The following ANXA6 variants were observed in gnomAD, a reference collection of about 807,000 sequenced individuals.
The protein encoded by ANXA6 is annexin A6.
ANXA6 carries 71 observed loss-of-function variants against 95.4 expected under a neutral mutation model. That is an observed-to-expected ratio of 0.74 (90% CI 0.61 to 0.91). The LOEUF (loss-of-function observed/expected upper bound fraction) is 0.91, where lower values mean the gene tolerates loss of function less well. ANXA6 is among the 40% of genes least tolerant of loss of function. The pLI is 0.00. For missense variants in ANXA6, 830 were observed against 876.4 expected, an observed-to-expected ratio of 0.95 and a Z score of 0.67; for synonymous variants, 289 against 315.9, an observed-to-expected ratio of 0.91 and a Z score of 0.90.
At position 151,110,576 on chromosome 5, in the gene ANXA6, C is replaced by T. The variant is rs1039738955; in HGVS notation, c.1590+51G>A. On this transcript the variant is annotated intron_variant, in intron 21 of 25. Transcript: ENST00000354546. ...ACTGCCCCGCTCGGCCCAGTAAAGG[C>T]GGACTTTACTCAGAGGCCGTTAAAA... The T allele has an allele frequency of 7.5e-6, 12 of 1,602,698 alleles. No homozygotes were observed. In the Admixed American group the frequency reaches 1.2e-4, roughly 16 times the overall value.
intron 20 of ANXA6, among the ~76,000 whole-genome samples, chr5:151,113,208 C>G (rs1764898373): frequency 2.0e-5 from 3 of 152,150 alleles, no homozygotes; most frequent in Admixed American, 6.5e-5. Flanking sequence ...TGAGACCAGT[C>G]TGGCCAACAT....
intron 25 of ANXA6, 24 bp downstream of exon 25, chr5:151,103,546 C>T (rs902161182): frequency 3.1e-6 from 5 of 1,601,098 alleles, no homozygotes; most frequent in Non-Finnish European, 8.5e-7. Context: ...CCGCTTCCTG[C>T]TAACCTCTAG....
At chr5:151,152,200 C>T (rs1766123749) in intron 1 of ANXA6, among the ~76,000 whole-genome samples, 1 of 152,198 alleles carries the variant, frequency 6.6e-6, no homozygotes, top group Non-Finnish European at 1.5e-5. Context: ...ATTTCCACAT[C>T]CGCAAAATGC....
In ANXA6 at chr5:151,105,297, CTT is replaced by C; in HGVS notation, c.1785_1786del (p.Ser596CysfsTer23). On this transcript the variant is annotated frameshift_variant, in exon 24 of 26. Coordinates refer to ENST00000354546, the MANE Select transcript of ANXA6 (RefSeq NM_001155.5). LOFTEE classifies it high-confidence loss of function. ...AAAGAAGAGAGGCTTGTTCTTGACA[CTT>C]TGAACTGGTAGGAAGAGCAGAGAGA... 6.2e-7 allele frequency: 1 copy of C among 1,613,914 alleles called. No individual in the cohort carries two copies. The highest frequency in any genetic ancestry group is 1.1e-5 in the South Asian group (1 of 91,074).
chr5:151,131,581 G>A (rs982997596), intron 10 of ANXA6, among the ~76,000 whole-genome samples: 1 of 152,176 alleles, frequency 6.6e-6, no homozygotes, highest in Non-Finnish European at 1.5e-5. Context: ...GAGCTGGGGT[G>A]GGGGTAGGGT....
At chr5:151,135,036 C>T (rs1004406081) in intron 7 of ANXA6, among the ~76,000 whole-genome samples, 15 of 152,232 alleles carry the variant, frequency 9.9e-5, no homozygotes, top group African/African-American at 3.4e-4. Context: ...CCCTTTGCCT[C>T]ATCTGATAGA....
intron 1 of ANXA6, chr5:151,150,997 G>A (rs539633802): frequency 4.6e-5 from 7 of 152,364 alleles, no homozygotes; most frequent in African/African-American, 1.4e-4. Context: ...CCATCTGGAG[G>A]AGCTCCCCTT....
chr5:151,116,700 A>G lies in ANXA6; in HGVS notation c.1572+427T>C, dbSNP rs909905318. On this transcript the variant is annotated intron_variant, in intron 20 of 25. Transcript: ENST00000354546. ...GGCTCGTCCCAGGACACTCCCTCCA[A>G]TCTCGGTCCCATTTTACAGATAATA... Among the ~76,000 whole-genome samples the G allele has an allele frequency of 2.6e-5, 4 of 152,286 alleles. No homozygotes were observed. The South Asian group carries it at 6.2e-4, about 24-fold the overall frequency.
intron 24 of ANXA6, 134 bp from the exon 25 acceptor site, chr5:151,103,826 T>A: frequency 8.7e-7 from 1 of 1,154,636 alleles, no homozygotes. Flanking sequence ...ACCTCTGTCT[T>A]CTGCAAACAG....
In ANXA6 at chr5:151,129,146, G is replaced by A. The variant is rs1259859318; in HGVS notation, c.918+261C>T. Among the ~76,000 whole-genome samples the A allele has an allele frequency of 1.3e-5, 2 of 152,142 alleles. No homozygotes were observed. The highest frequency in any genetic ancestry group is 2.9e-5 in the Non-Finnish European group (2 of 68,006). On this transcript the variant is annotated intron_variant, in intron 12 of 25. Coordinates refer to ENST00000354546, the MANE Select transcript of ANXA6 (RefSeq NM_001155.5). ...TCACTGCCCTTGGGGCAGAGTCCTC[G>A]CACTTAATTCAGCTTGCGTGTCCTT... is the stretch of plus-strand genomic sequence containing the variant.
Position 151,119,367 on chromosome 5 carries a change from A to G in ANXA6, c.1371T>C (p.Ala457=). 1.2e-6 allele frequency: 2 copies of G among 1,613,828 alleles called. No homozygotes were observed. The highest frequency in any genetic ancestry group is 1.7e-6 in the Non-Finnish European group (2 of 1,179,882). The change falls in exon 18 of 26, where the codon GCT becomes GCC. Residue 457 remains alanine (A), a synonymous_variant. Transcript: ENST00000354546. ...TCCGAGTGGCCAGGATTTCAATAAG[A>G]GCCTTTTCATCTGTGCCGGCTCCCT... The part of the protein sequence containing the change: ...AMEGAGTDEK[A]LIEILATRTN...
chr5:151,138,573 A>T, intron 5 of ANXA6, 105 bp downstream of exon 5: 1 of 737,426 alleles, frequency 1.4e-6, no homozygotes. Context: ...AGCAGGACAC[A>T]TGTGCTGGGT....
At position 151,123,022 on chromosome 5, in the gene ANXA6, A is replaced by T. The variant is rs1765216115; in HGVS notation, c.1139-11T>A. Reference sequence around the variant, plus strand: ...TGTCTTCGTCAGTCCCTGAGTCACCAAAGCCACATGCCTCAGAAGAAGGCC... The same window carrying T: ...TGTCTTCGTCAGTCCCTGAGTCACCTAAGCCACATGCCTCAGAAGAAGGCC... On this transcript the variant is annotated splice_polypyrimidine_tract_variant and intron_variant, in intron 15 of 25. Transcript: ENST00000354546. 6.2e-7 allele frequency: 1 copy of T among 1,611,674 alleles called. No individual in the cohort carries two copies. Among genetic ancestry groups the T allele is most frequent in the Admixed American group, 1.7e-5 (1 of 60,006 alleles).
chr5:151,139,819 T>C (rs1006630279), intron 3 of ANXA6, among the ~76,000 whole-genome samples: 4 of 152,096 alleles, frequency 2.6e-5, no homozygotes, highest in Middle Eastern at 3.2e-3. Flanking sequence ...AAGAAGAACA[T>C]AAGCACCACC....
intron 24 of ANXA6, among the ~76,000 whole-genome samples, chr5:151,104,185 A>G (rs1581973274): frequency 6.6e-6 from 1 of 152,302 alleles, no homozygotes; most frequent in East Asian, 1.9e-4. Flanking sequence ...CTTCTCCCCC[A>G]GAGCCTCCAG....
intron 3 of ANXA6, 35 bp from the exon 4 acceptor site, chr5:151,139,482 C>A (rs776643791): frequency 1.3e-6 from 2 of 1,551,196 alleles, no homozygotes; most frequent in South Asian, 2.2e-5. Flanking sequence ...ATCCTACCCA[C>A]CCTGCCTCCA....
At chr5:151,109,692 G>T in intron 22 of ANXA6, 61 bp downstream of exon 22, 2 of 1,329,254 alleles carry the variant, frequency 1.5e-6, no homozygotes, top group South Asian at 1.2e-5. Flanking sequence ...AGAGCTGAGA[G>T]GCTCTCATCA....
intron 24 of ANXA6, 65 bp downstream of exon 24, chr5:151,105,180 T>C: frequency 2.8e-6 from 4 of 1,421,644 alleles, no homozygotes; most frequent in Non-Finnish European, 4.0e-6. Context: ...GGTGCACATC[T>C]GTGTGTTTGT....
At chr5:151,117,015 C>T (rs758949065) in intron 20 of ANXA6, 112 bp downstream of exon 20, 125 of 973,736 alleles carry the variant, frequency 1.3e-4, no homozygotes, top group Admixed American at 1.5e-4. Context: ...ACCAACCACG[C>T]CCCTGCCAGG....
Sources: allele counts gnomAD v4.1 joint callset (sites outside exome capture counted in the v4.1 genomes callset), GRCh38; gene constraint gnomAD v4.1.1; transcripts MANE v1.5; gene names NCBI Gene and HGNC (gene_info 2026-07-23, HGNC 2026-07-21).